The following SUGCT variants were observed in gnomAD, a reference collection of about 807,000 sequenced individuals.
The protein encoded by SUGCT is succinyl-CoA:glutarate-CoA transferase.
A neutral mutation model predicts 55.0 loss-of-function variants in SUGCT; 41 were observed. The observed-to-expected ratio is 0.74, with a 90% CI of 0.58 to 0.97. SUGCT has a LOEUF of 0.97. SUGCT is among the 50% of genes least tolerant of loss of function. The pLI, the probability that SUGCT is intolerant of heterozygous loss-of-function variation, is 0.00. For missense variants in SUGCT, 568 were observed against 547.8 expected (o/e 1.04, Z -0.37); for synonymous variants, 187 against 200.4 (o/e 0.93, Z 0.56).
rs1370743563 is a variant in SUGCT, at chr7:40,476,665, AT to A, written c.986+17475del. ...TTTCATAGTATACTAAGGGATTTTG[AT>A]TTTTTTTGGCATTTAGGGCATTTAA... On this transcript the variant is annotated intron_variant, in intron 11 of 13. Coordinates refer to ENST00000335693, the MANE Select transcript of SUGCT (RefSeq NM_001193313.2). Among the ~76,000 whole-genome samples the A allele has an allele frequency of 1.1e-4, 17 of 151,502 alleles. No individual in the cohort carries two copies. The East Asian group carries it at 1.9e-3, about 17-fold the overall frequency.
intron 11 of SUGCT, among the ~76,000 whole-genome samples, chr7:40,466,440 T>C (rs1182839870): frequency 6.6e-6 from 1 of 152,220 alleles, no homozygotes; most frequent in Admixed American, 6.5e-5. Flanking sequence ...TAGGAGCTTT[T>C]CTGGCCTCGC....
chr7:40,947,287 G>A, the SUGCT span, among the ~76,000 whole-genome samples: 1 of 152,010 alleles, frequency 6.6e-6, no homozygotes, highest in South Asian at 2.1e-4. Flanking sequence ...TTTCTACTTG[G>A]CTCTTTTAAA....
chr7:40,802,595 T>C, intron 13 of SUGCT, among the ~76,000 whole-genome samples: 1 of 152,146 alleles, frequency 6.6e-6, no homozygotes, highest in East Asian at 1.9e-4. Flanking sequence ...TAGTGAGCGG[T>C]AGAACTGAAA....
At chr7:40,446,244 T>C (rs1206575480) in intron 9 of SUGCT, among the ~76,000 whole-genome samples, 1 of 152,196 alleles carries the variant, frequency 6.6e-6, no homozygotes, top group African/African-American at 2.4e-5. Flanking sequence ...TATAAACTTA[T>C]TGGACATATC....
intron 6 of SUGCT, among the ~76,000 whole-genome samples, chr7:40,211,629 G>A (rs371060370): frequency 1.1e-3 from 161 of 152,308 alleles, no homozygotes; most frequent in African/African-American, 3.6e-3. Flanking sequence ...AAAAGCTAAC[G>A]TGGAAGGCAC....
intron 12 of SUGCT, among the ~76,000 whole-genome samples, chr7:40,532,927 G>T (rs1794174599): frequency 6.6e-6 from 1 of 152,086 alleles, no homozygotes; most frequent in Non-Finnish European, 1.5e-5. Context: ...ATAGAAATGT[G>T]ATCTTTAATT....
chr7:40,717,173 T>C (rs570525282), intron 12 of SUGCT, among the ~76,000 whole-genome samples: 2 of 152,338 alleles, frequency 1.3e-5, no homozygotes, highest in East Asian at 3.9e-4. Flanking sequence ...TTAAGCTACA[T>C]ATTTGTTCAC....
At chr7:40,649,580 T>G (rs1800678028) in intron 12 of SUGCT, among the ~76,000 whole-genome samples, 1 of 152,240 alleles carries the variant, frequency 6.6e-6, no homozygotes, top group East Asian at 1.9e-4. Flanking sequence ...ATTTTCAGAT[T>G]TCTTTTGGAC....
intron 12 of SUGCT, among the ~76,000 whole-genome samples, chr7:40,699,985 T>C (rs1280523900): frequency 7.1e-6 from 1 of 140,182 alleles, no homozygotes; most frequent in Non-Finnish European, 1.5e-5. Context: ...TGAGCCTTCC[T>C]GAAACTTTTT....
chr7:40,577,440 G>A (rs536896184), intron 12 of SUGCT, among the ~76,000 whole-genome samples: 14 of 152,030 alleles, frequency 9.2e-5, no homozygotes, highest in Non-Finnish European at 1.8e-4. Context: ...GCATGTTGGG[G>A]GCAGTTGAGT....
chr7:40,564,384 C>CA (rs1368930633), intron 12 of SUGCT, among the ~76,000 whole-genome samples: 1 of 151,688 alleles, frequency 6.6e-6, no homozygotes, highest in Non-Finnish European at 1.5e-5. Flanking sequence ...GACTCCGTCT[C>CA]AAAAAAATAA....
chr7:40,882,586 G>A, the SUGCT span, among the ~76,000 whole-genome samples: 1 of 152,148 alleles, frequency 6.6e-6, no homozygotes, highest in Non-Finnish European at 1.5e-5. Flanking sequence ...AAAGCTCTTT[G>A]ATTAAGGCTC....
intron 12 of SUGCT, among the ~76,000 whole-genome samples, chr7:40,569,647 A>T (rs959395222): frequency 1.3e-5 from 2 of 152,180 alleles, no homozygotes; most frequent in Admixed American, 1.3e-4. Flanking sequence ...TTGAGAAAAT[A>T]CAAATGTGGG....
chr7:40,575,153 G>A (rs1796671191), intron 12 of SUGCT, among the ~76,000 whole-genome samples: 1 of 151,766 alleles, frequency 6.6e-6, no homozygotes, highest in Non-Finnish European at 1.5e-5. Context: ...AAGTTTTGGA[G>A]TAAATTCTTC....
intron 12 of SUGCT, among the ~76,000 whole-genome samples, chr7:40,702,430 G>T (rs1278619333): frequency 6.6e-6 from 1 of 152,154 alleles, no homozygotes; most frequent in Non-Finnish European, 1.5e-5. Flanking sequence ...CCAAAGTCAA[G>T]AAAACCAAGT....
the SUGCT span, among the ~76,000 whole-genome samples, chr7:41,037,597 T>C: frequency 6.6e-6 from 1 of 151,972 alleles, no homozygotes; most frequent in Non-Finnish European, 1.5e-5. Context: ...AAAAGTTCAC[T>C]AATTGAAAGG....
chr7:40,806,729 A>G (rs1791113698), intron 13 of SUGCT, among the ~76,000 whole-genome samples: 2 of 152,338 alleles, frequency 1.3e-5, no homozygotes, highest in African/African-American at 4.8e-5. Flanking sequence ...TCAATGTAAT[A>G]GAATATATTA....
intron 7 of SUGCT, among the ~76,000 whole-genome samples, chr7:40,243,201 T>C (rs1789583904): frequency 6.6e-6 from 1 of 151,522 alleles, no homozygotes; most frequent in African/African-American, 2.4e-5. Context: ...GTATGAGAGA[T>C]TCTGGAAAGT....
the SUGCT span, among the ~76,000 whole-genome samples, chr7:40,978,120 C>G: frequency 1.3e-5 from 2 of 152,304 alleles, no homozygotes; most frequent in South Asian, 2.1e-4. Flanking sequence ...AAAGCATCCC[C>G]CTGTGGACTG....
Sources: allele counts gnomAD v4.1 joint callset (sites outside exome capture counted in the v4.1 genomes callset), GRCh38; gene constraint gnomAD v4.1.1; transcripts MANE v1.5; gene names NCBI Gene and HGNC (gene_info 2026-07-23, HGNC 2026-07-21).